Variants in PALM2AKAP2 observed in about 807,000 individuals in gnomAD.
PALM2AKAP2 encodes the protein PALM2 and AKAP2 fusion.
A neutral mutation model predicts 71.5 loss-of-function variants in PALM2AKAP2; 37 were observed. The ratio of observed to expected loss-of-function variants is 0.52; its 90% CI spans 0.40 to 0.68. The LOEUF (loss-of-function observed/expected upper bound fraction) is 0.68, where lower values mean the gene tolerates loss of function less well. PALM2AKAP2 is among the 30% of genes least tolerant of loss of function. The pLI, the probability that PALM2AKAP2 is intolerant of heterozygous loss-of-function variation, is 0.00. For synonymous variants in PALM2AKAP2, 468 were observed against 478.8 expected, an observed-to-expected ratio of 0.98 and a Z score of 0.29; for missense variants, 1,224 against 1,191.8, an observed-to-expected ratio of 1.03 and a Z score of -0.40.
intron 1 of PALM2AKAP2, among the ~76,000 whole-genome samples, chr9:109,731,998 T>G (rs868623633): frequency 1.3e-5 from 2 of 152,194 alleles, no homozygotes; most frequent in Non-Finnish European, 2.9e-5. Context: ...CAGCCAGGTC[T>G]GCGATTTGAG....
intron 1 of PALM2AKAP2, among the ~76,000 whole-genome samples, chr9:109,741,324 G>A (rs1828713162): frequency 6.6e-6 from 1 of 152,160 alleles, no homozygotes. Context: ...ACTCCATTGT[G>A]TAATTATATC....
chr9:109,657,071 A>C (rs1214460443), intron 1 of PALM2AKAP2, among the ~76,000 whole-genome samples: 1 of 152,232 alleles, frequency 6.6e-6, no homozygotes, highest in Non-Finnish European at 1.5e-5. Context: ...TTGACACTGA[A>C]AAATGTATTC....
upstream of PALM2AKAP2, among the ~76,000 whole-genome samples, chr9:110,045,791 A>G (rs571012774): frequency 2.0e-5 from 3 of 152,046 alleles, no homozygotes; most frequent in East Asian, 3.9e-4. Context: ...GCTGGTCTTG[A>G]ACTCCTGACC....
At position 109,648,316 on chromosome 9, in the gene PALM2AKAP2, TCA is replaced by T. The variant is rs914208481; in HGVS notation, c.5+7451_5+7452del. On this transcript the variant is annotated intron_variant, in intron 1 of 6. Transcript: ENST00000374531. ...AATACTTAGTGTTAGTTTTATGTTT[TCA>T]AAGTTTTTAGCATTTGCAAATTTGA... 7.4e-4 allele frequency among the ~76,000 whole-genome samples: 113 copies of T among 152,318 alleles called. 1 individual carries two copies. The highest frequency in any genetic ancestry group is 2.5e-3 in the African/African-American group (106 of 41,576).
At chr9:110,032,605 C>T (rs532005733) in intron 7 of PALM2AKAP2, among the ~76,000 whole-genome samples, 5 of 151,900 alleles carry the variant, frequency 3.3e-5, no homozygotes, top group African/African-American at 9.7e-5. Flanking sequence ...GCAGAAGAAT[C>T]GCTTGACCCC....
intron 3 of PALM2AKAP2, among the ~76,000 whole-genome samples, chr9:109,916,559 T>G (rs756984497): frequency 3.9e-4 from 59 of 152,368 alleles, no homozygotes; most frequent in Non-Finnish European, 7.5e-4. Context: ...GGACATGTGA[T>G]ATGCTGGGCC....
At chr9:110,137,458 C>A (rs780419376) in exon 2 of PALM2AKAP2, 3 of 1,614,018 alleles carry the variant, frequency 1.9e-6, no homozygotes, top group Admixed American at 3.3e-5. Context: ...GAAGCCAGGG[C>A]AACACAGCCT....
At chr9:109,991,009 G>T (rs905429704) in intron 6 of PALM2AKAP2, among the ~76,000 whole-genome samples, 2 of 152,124 alleles carry the variant, frequency 1.3e-5, no homozygotes, top group East Asian at 3.8e-4. Context: ...AGGGATATGG[G>T]CTTCCTAGGG....
intron 1 of PALM2AKAP2, among the ~76,000 whole-genome samples, chr9:109,759,731 A>C (rs1010756220): frequency 6.6e-6 from 1 of 152,094 alleles, no homozygotes. Context: ...TTCCCAGAGA[A>C]CTTTGTACCT....
chr9:109,660,830 T>G (rs1012994696), intron 1 of PALM2AKAP2, among the ~76,000 whole-genome samples: 6 of 152,176 alleles, frequency 3.9e-5, no homozygotes, highest in African/African-American at 9.7e-5. Context: ...CAGCATCTGT[T>G]GTTTCCTGAC....
chr9:109,904,621 C>T (rs1257619029), intron 3 of PALM2AKAP2, among the ~76,000 whole-genome samples: 3 of 152,156 alleles, frequency 2.0e-5, no homozygotes, highest in South Asian at 4.2e-4. Context: ...GCAGGTAATT[C>T]TCCCTTAGTC....
chr9:110,010,778 T>A (rs1242449576), intron 6 of PALM2AKAP2, among the ~76,000 whole-genome samples: 4 of 148,626 alleles, frequency 2.7e-5, no homozygotes, highest in Non-Finnish European at 6.0e-5. Flanking sequence ...GGCAGGTGGA[T>A]CACCTGAGGT....
intron 1 of PALM2AKAP2, among the ~76,000 whole-genome samples, chr9:110,116,375 CGTGTGT>C (rs983386918): frequency 6.6e-6 from 1 of 150,942 alleles, no homozygotes; most frequent in Non-Finnish European, 1.5e-5. Flanking sequence ...TGTGTGTGTG[CGTGTGT>C]GTGTGTGCGC....
At chr9:109,759,454 G>A (rs764852416) in intron 1 of PALM2AKAP2, among the ~76,000 whole-genome samples, 1 of 152,038 alleles carries the variant, frequency 6.6e-6, no homozygotes, top group African/African-American at 2.4e-5. Context: ...TTAGTCTCCA[G>A]CAAATGCATC....
chr9:109,737,293 T>C (rs181200988), intron 1 of PALM2AKAP2, among the ~76,000 whole-genome samples: 94 of 152,338 alleles, frequency 6.2e-4, no homozygotes, highest in African/African-American at 2.2e-3. Context: ...GCCTGAGTGG[T>C]CATCACGATG....
intron 1 of PALM2AKAP2, among the ~76,000 whole-genome samples, chr9:109,802,572 T>C (rs1429745498): frequency 6.6e-6 from 1 of 152,230 alleles, no homozygotes; most frequent in East Asian, 1.9e-4. Context: ...CTTTCCTCCA[T>C]GTGGTTTCTA....
At chr9:109,954,463 A>G (rs1436426010) in intron 6 of PALM2AKAP2, among the ~76,000 whole-genome samples, 1 of 141,716 alleles carries the variant, frequency 7.1e-6, no homozygotes, top group Non-Finnish European at 1.5e-5. Context: ...TTTGCTATTT[A>G]GAAGTGGACA....
intron 6 of PALM2AKAP2, among the ~76,000 whole-genome samples, chr9:109,949,619 G>C (rs1216760597): frequency 6.6e-6 from 1 of 152,162 alleles, no homozygotes; most frequent in African/African-American, 2.4e-5. Context: ...AGCCTTGGGG[G>C]CATGAACAAA....
chr9:109,851,794 A>G (rs984072237), intron 1 of PALM2AKAP2, among the ~76,000 whole-genome samples: 2 of 152,052 alleles, frequency 1.3e-5, no homozygotes, highest in Non-Finnish European at 2.9e-5. Context: ...AGAAAAGTAA[A>G]CCCCCAAAGC....
Sources: allele counts gnomAD v4.1 joint callset (sites outside exome capture counted in the v4.1 genomes callset), GRCh38; gene constraint gnomAD v4.1.1; transcripts MANE v1.5; gene names NCBI Gene and HGNC (gene_info 2026-07-23, HGNC 2026-07-21).